Variants in DNAJC22 observed in about 807,000 individuals in gnomAD.
DNAJC22 encodes dnaJ homolog subfamily C member 22.
DNAJC22 carries 24 observed loss-of-function variants against 22.2 expected under a neutral mutation model. The observed-to-expected ratio is 1.08, with a 90% confidence interval of 0.78 to 1.52. The LOEUF is 1.52. Among genes scored for constraint, DNAJC22 ranks in the 40% most tolerant of loss-of-function variants. The pLI is 0.00. For missense variants in DNAJC22, 434 were observed against 421.7 expected, an observed-to-expected ratio of 1.03 and a Z score of -0.26; for synonymous variants, 160 against 167.4, an observed-to-expected ratio of 0.96 and a Z score of 0.34.
Position 49,351,651 on chromosome 12 carries a change from A to T in DNAJC22, c.*149A>T. ...GGTGGCTCATGCCTGTAATCCCAGC[A>T]CTTTGGGAGGCCGAGGCGGGCAGAT... On this transcript the variant is annotated 3_prime_UTR_variant, in exon 4 of 4. Transcript: ENST00000549441. 1.3e-6 allele frequency: 1 copy of T among 784,402 alleles called. No individual in the cohort carries two copies. 48.6% of individuals were successfully genotyped at this position (784,402 alleles called of 1,614,324 possible). A position where few individuals can be genotyped will look rare whatever the true frequency, so the allele number is the denominator to read the frequency against.
chr12:49,348,935 C>T lies in DNAJC22; in HGVS notation c.63C>T (p.His21=). The T allele has an allele frequency of 1.3e-6, 2 of 1,523,686 alleles. No homozygotes were observed. The highest frequency in any genetic ancestry group is 1.8e-6 in the Non-Finnish European group (2 of 1,139,118). The allele number at this position is 1,523,686 out of a possible 1,614,324, so 94.4% of individuals were successfully genotyped here. Residue 21 remains histidine, a synonymous_variant, in exon 3 of 4, where the codon CAC becomes CAT. Coordinates refer to ENST00000549441, the MANE Select transcript of DNAJC22 (RefSeq NM_001304944.2). ...LWAVGGPAGL[H]HLYLGRDSHA... Reference sequence around the variant, plus strand: ...CTGTGGGGGGCCCTGCTGGGCTCCACCACCTGTACCTGGGAAGGGACAGCC... The same window carrying T: ...CTGTGGGGGGCCCTGCTGGGCTCCATCACCTGTACCTGGGAAGGGACAGCC...
chr12:49,351,458 G>A lies in DNAJC22; in HGVS notation c.982G>A (p.Glu328Lys). 2 of 1,597,892 alleles carry A rather than the reference G, an allele frequency of 1.3e-6. No homozygotes were observed. The highest frequency in any genetic ancestry group is 1.7e-6 in the Non-Finnish European group (2 of 1,174,192). The change falls in exon 4 of 4, where the codon GAA (glutamate) becomes AAA (lysine). Residue 328 changes from glutamate to lysine, a missense_variant. Coordinates refer to ENST00000549441, the MANE Select transcript of DNAJC22 (RefSeq NM_001304944.2). ...RHFLEIQAAY[E>K]VLSQPRKPWG... The stretch of plus-strand genomic sequence containing the variant: ...CTTCCTGGAGATCCAGGCTGCGTAT[G>A]AAGTCCTGAGTCAACCCAGGAAGCC...
Position 49,349,727 on chromosome 12 carries a change from C to T in DNAJC22, c.840+15C>T. On this transcript the variant is annotated intron_variant, in intron 3 of 3. Coordinates refer to ENST00000549441, the MANE Select transcript of DNAJC22 (RefSeq NM_001304944.2). ...TGGCTTACCAGGTAAGGCTTTCTTC[C>T]CTCAGTCCTGTCCGGTGGCTCTGGT... 1.9e-6 allele frequency: 3 copies of T among 1,614,022 alleles called. No individual in the cohort carries two copies. The highest frequency in any genetic ancestry group is 2.5e-6 in the Non-Finnish European group (3 of 1,180,028).
In DNAJC22 at chr12:49,351,367, C is replaced by A; in HGVS notation, c.891C>A (p.Tyr297Ter). ...CAAATGAAGAAATACATCGGAGTTA[C>A]CAGGAGCTAGTGAAGGTCTGGCACC... is the stretch of plus-strand genomic sequence containing the variant. ...GATNEEIHRS[Y>*]QELVKVWHPD... is the part of the protein sequence containing the mutation. Residue 297 changes from tyrosine (Y) to a stop codon, truncating the protein, a stop_gained, in exon 4 of 4, where the codon TAC becomes TAA. Transcript: ENST00000549441. LOFTEE classifies it high-confidence loss of function. 6.2e-7 allele frequency: 1 copy of A among 1,613,666 alleles called. No individual in the cohort carries two copies. The highest frequency in any genetic ancestry group is 8.5e-7 in the Non-Finnish European group (1 of 1,179,762).
chr12:49,349,090 C>T lies in DNAJC22; in HGVS notation c.218C>T (p.Thr73Ile). ...QGQRQSPRGV[T>I]PPLSPIRFAA... ...CAGAGGCAGAGCCCCAGAGGGGTGA[C>T]ACCCCCTCTGAGTCCCATTCGCTTT... Residue 73 changes from threonine to isoleucine, a missense_variant, in exon 3 of 4, where the codon ACA becomes ATA. Thr to Ile is a moderately conservative substitution (Grantham distance 89, BLOSUM62 -1). Transcript: ENST00000549441. 2 of 1,614,152 alleles carry T rather than the reference C, an allele frequency of 1.2e-6. No homozygotes were observed. Among genetic ancestry groups the T allele is most frequent in the Non-Finnish European group, 1.7e-6 (2 of 1,180,010 alleles).
rs1943718397 is a variant in DNAJC22 at position 49,347,833 on chromosome 12, A to C, written c.-380A>C. 6.6e-6 allele frequency: 1 copy of C among 152,160 alleles called. No individual in the cohort carries two copies. Among genetic ancestry groups the C allele is most frequent in the African/African-American group, 2.4e-5 (1 of 41,422 alleles). 9.4% of individuals were successfully genotyped at this position (152,160 alleles called of 1,614,324 possible). ...GGAGCTGGGCCCGGGCTGGGCACTG[A>C]GCCCACCGGAGCTGCAGGCGTCTGC... On this transcript the variant is annotated 5_prime_UTR_variant, in exon 2 of 4. The change abolishes the stop of an existing upstream ORF in the 5' untranslated region. Coordinates refer to ENST00000549441, the MANE Select transcript of DNAJC22 (RefSeq NM_001304944.2).
chr12:49,349,113 T>C lies in DNAJC22; in HGVS notation c.241T>C (p.Phe81Leu), dbSNP rs149232014. 3.7e-6 allele frequency: 6 copies of C among 1,614,046 alleles called. No individual in the cohort carries two copies. In the African/African-American group the frequency reaches 8.0e-5, roughly 22 times the overall value. ...GVTPPLSPIR[F>L]AAQVIVGIYF... The stretch of plus-strand genomic sequence containing the variant: ...GACACCCCCTCTGAGTCCCATTCGC[T>C]TTGCTGCCCAGGTGATAGTTGGCAT... The change falls in exon 3 of 4, where the codon TTT becomes CTT. Residue 81 changes from phenylalanine to leucine, a missense_variant. Phe to Leu is a conservative substitution (Grantham distance 22, BLOSUM62 0). Transcript: ENST00000549441.
At position 49,347,642 on chromosome 12, in the gene DNAJC22, A is replaced by G. The variant is rs562529189; in HGVS notation, c.-569-2A>G. The G allele has an allele frequency of 4.6e-5, 7 of 152,204 alleles. No individual in the cohort carries two copies. The highest frequency in any genetic ancestry group is 1.7e-4 in the African/African-American group (7 of 41,536). The allele number at this position is 152,204 out of a possible 1,614,324, so 9.4% of individuals were successfully genotyped here. On this transcript the variant is annotated splice_acceptor_variant, in intron 1 of 3. Transcript: ENST00000549441. LOFTEE classifies it low-confidence loss of function (5UTR_SPLICE). ...TTTACAGGAGTTTATCCTTTTTTTTAGCACTACAGATAGGAGCGTCCCTTG... is the reference window on the plus strand; with the variant it reads ...TTTACAGGAGTTTATCCTTTTTTTTGGCACTACAGATAGGAGCGTCCCTTG...
Position 49,349,127 on chromosome 12 carries a change from G to T in DNAJC22, c.255G>T (p.Val85=), listed in dbSNP as rs1370668184. 1 of 1,614,190 alleles carries T rather than the reference G, an allele frequency of 6.2e-7. No homozygotes were observed. The highest frequency in any genetic ancestry group is 1.1e-5 in the South Asian group (1 of 91,090). The change falls in exon 3 of 4, where the codon GTG becomes GTT. Residue 85 remains valine, a synonymous_variant. Transcript: ENST00000549441. ...GTCCCATTCGCTTTGCTGCCCAGGT[G>T]ATAGTTGGCATCTATTTTGGCCTTG... ...PLSPIRFAAQ[V]IVGIYFGLVA... is the part of the protein sequence containing the mutation.
rs577707851 is a variant in DNAJC22 at position 49,349,650 on chromosome 12, T to A, written c.778T>A (p.Trp260Arg). ...CTTCAACAGCAGCTGCTTTCAGGAG[T>A]GGGCGAAGCTCTATGAGTTTGTTCA... ...TGFNSSCFQEWAKLYEFVHSF... is the reference protein window; with the variant it reads ...TGFNSSCFQERAKLYEFVHSF... The change falls in exon 3 of 4, where the codon TGG becomes AGG. Residue 260 changes from tryptophan (W) to arginine (R), a missense_variant. By Grantham distance (101) the Trp-to-Arg change is moderately radical. Transcript: ENST00000549441. The A allele has an allele frequency of 8.1e-6, 13 of 1,614,084 alleles. No homozygotes were observed. Among genetic ancestry groups the A allele is most frequent in the Admixed American group, 5.0e-5 (3 of 60,008 alleles).
Position 49,351,560 on chromosome 12 carries a change from A to C in DNAJC22, c.*58A>C. On this transcript the variant is annotated 3_prime_UTR_variant, in exon 4 of 4. Coordinates refer to ENST00000549441, the MANE Select transcript of DNAJC22 (RefSeq NM_001304944.2). ...TAGCAGAGCTGGGCAACTTGTCCCA[A>C]ATCTAGCTTTGCCCACGAATGGCAT... 1 of 1,478,464 alleles carries C rather than the reference A, an allele frequency of 6.8e-7. No homozygotes were observed. The highest frequency in any genetic ancestry group is 8.9e-7 in the Non-Finnish European group (1 of 1,117,756). 91.6% of individuals were successfully genotyped at this position (1,478,464 alleles called of 1,614,324 possible).
In DNAJC22 at chr12:49,349,314, C is replaced by T. The variant is rs142430166; in HGVS notation, c.442C>T (p.Arg148Cys). The part of the protein sequence containing the change: ...AFLTSPIFYG[R>C]PIAILPISVA... ...TCTCACTTCACCTATCTTCTATGGC[C>T]GCCCCATAGCCATACTGCCCATTAG... Residue 148 changes from arginine (R) to cysteine (C), a missense_variant, in exon 3 of 4, where the codon CGC (arginine) becomes TGC (cysteine). Arg to Cys is a radical substitution (Grantham distance 180, BLOSUM62 -3). Coordinates refer to ENST00000549441, the MANE Select transcript of DNAJC22 (RefSeq NM_001304944.2). 72 of 1,613,328 alleles carry T rather than the reference C, an allele frequency of 4.5e-5. No homozygotes were observed. In the African/African-American group the frequency reaches 6.7e-4, roughly 15 times the overall value.
rs954484612 is a variant in DNAJC22 at position 49,351,480 on chromosome 12, A to G, written c.1004A>G (p.Lys335Arg). The G allele has an allele frequency of 6.4e-7, 1 of 1,556,328 alleles. No homozygotes were observed. The highest frequency in any genetic ancestry group is 8.6e-7 in the Non-Finnish European group (1 of 1,157,542). The change falls in exon 4 of 4, where the codon AAG (lysine) becomes AGG (arginine). Residue 335 changes from lysine (K) to arginine (R), a missense_variant. Lys to Arg is a conservative substitution (Grantham distance 26). Transcript: ENST00000549441. Reference sequence around the variant, plus strand: ...TATGAAGTCCTGAGTCAACCCAGGAAGCCCTGGGGATCCCGGAGGTGAAAA... The same window carrying G: ...TATGAAGTCCTGAGTCAACCCAGGAGGCCCTGGGGATCCCGGAGGTGAAAA... ...AAYEVLSQPR[K>R]PWGSRR
intron 3 of DNAJC22, among the ~76,000 whole-genome samples, chr12:49,350,207 G>T (rs1346712273): frequency 6.6e-6 from 1 of 151,838 alleles, no homozygotes; most frequent in Non-Finnish European, 1.5e-5. Context: ...CTCCCGAGTA[G>T]CTGGGACTAC....
In DNAJC22 at chr12:49,351,474, C is replaced by G. The variant is rs748545219; in HGVS notation, c.998C>G (p.Pro333Arg). 6.4e-7 allele frequency: 1 copy of G among 1,568,670 alleles called. No homozygotes were observed. Among genetic ancestry groups the G allele is most frequent in the Non-Finnish European group, 8.6e-7 (1 of 1,162,706 alleles). The change falls in exon 4 of 4, where the codon CCC becomes CGC. Residue 333 changes from proline to arginine, a missense_variant. Physicochemically the swap from Pro to Arg is moderately radical, Grantham distance 103. Coordinates refer to ENST00000549441, the MANE Select transcript of DNAJC22 (RefSeq NM_001304944.2). Reference sequence around the variant, plus strand: ...GCTGCGTATGAAGTCCTGAGTCAACCCAGGAAGCCCTGGGGATCCCGGAGG... The same window carrying G: ...GCTGCGTATGAAGTCCTGAGTCAACGCAGGAAGCCCTGGGGATCCCGGAGG... ...IQAAYEVLSQ[P>R]RKPWGSRR
At chr12:49,351,175 C>A in intron 3 of DNAJC22, 142 bp from the exon 4 acceptor site, 1 of 1,469,160 alleles carries the variant, frequency 6.8e-7, no homozygotes, top group Non-Finnish European at 8.9e-7. Flanking sequence ...GGAATTCTAA[C>A]CTGAGCTGCT....
chr12:49,349,862 G>A (rs909269342), intron 3 of DNAJC22, 150 bp downstream of exon 3: 5 of 1,474,644 alleles, frequency 3.4e-6, no homozygotes, highest in East Asian at 2.3e-5. Flanking sequence ...GATGCTGTGA[G>A]TAGGAAAAAT....
At chr12:49,350,655 C>T (rs148192349) in intron 3 of DNAJC22, among the ~76,000 whole-genome samples, 42 of 151,702 alleles carry the variant, frequency 2.8e-4, no homozygotes, top group African/African-American at 8.2e-4. Context: ...TGCGTCACCA[C>T]GCCAAATTAA....
In DNAJC22 at chr12:49,349,592, C is replaced by T. The variant is rs1439023444; in HGVS notation, c.720C>T (p.Tyr240=). 1 of 1,614,242 alleles carries T rather than the reference C, an allele frequency of 6.2e-7. No individual in the cohort carries two copies. The highest frequency in any genetic ancestry group is 8.5e-7 in the Non-Finnish European group (1 of 1,180,036). ...TGGAGTTTGTCCTCCTTCTGCCTTA[C>T]CGGATCTGGAGGCTACTGATGGGGG... ...RLMEFVLLLP[Y]RIWRLLMGET... Residue 240 remains tyrosine, a synonymous_variant, in exon 3 of 4, where the codon TAC becomes TAT. Coordinates refer to ENST00000549441, the MANE Select transcript of DNAJC22 (RefSeq NM_001304944.2).
Sources: gnomAD v4.1 joint callset for allele counts (sites outside exome capture counted in the v4.1 genomes callset) on GRCh38, gnomAD v4.1.1 for gene constraint, MANE v1.5 for transcripts, NCBI Gene and HGNC (gene_info 2026-07-23, HGNC 2026-07-21) for gene names.